KCNMA1: variants seen among roughly 807,000 people sequenced by gnomAD.
KCNMA1 encodes the protein Calcium-activated potassium channel subunit alpha-1.
A neutral mutation model predicts 140.0 loss-of-function variants in KCNMA1; 29 were observed. The observed-to-expected ratio is 0.21, with a 90% CI of 0.15 to 0.28. The LOEUF is 0.28. KCNMA1 is among the 10% of genes least tolerant of loss of function. The pLI is 1.00. For missense variants in KCNMA1, 880 were observed against 1,602.2 expected (o/e 0.55, Z 7.70); for synonymous variants, 612 against 611.9 (o/e 1.00, Z 0.00).
chr10:77,624,738 T>C (rs1690541034), intron 1 of KCNMA1, among the ~76,000 whole-genome samples: 1 of 151,992 alleles, frequency 6.6e-6, no homozygotes. Context: ...CTGTAGCTAG[T>C]CACTTGTCAT....
intron 2 of KCNMA1, among the ~76,000 whole-genome samples, chr10:77,330,750 G>A (rs1399960073): frequency 6.6e-6 from 1 of 152,172 alleles, no homozygotes; most frequent in Non-Finnish European, 1.5e-5. Context: ...AAAGTTTAGT[G>A]GGAAAAGCAG....
intron 1 of KCNMA1, among the ~76,000 whole-genome samples, chr10:77,503,687 G>T (rs816829): frequency 0.09 from 13,758 of 152,226 alleles, 779 homozygotes; most frequent in Admixed American, 0.15. Context: ...GTTCCAGCAG[G>T]TAGAGACAGT....
At chr10:76,972,056 A>G (rs2076251725) in intron 19 of KCNMA1, among the ~76,000 whole-genome samples, 1 of 152,134 alleles carries the variant, frequency 6.6e-6, no homozygotes, top group South Asian at 2.1e-4. Context: ...TGCACTAACT[A>G]GACGTATAAG....
intron 1 of KCNMA1, among the ~76,000 whole-genome samples, chr10:77,448,240 T>A (rs2097564943): frequency 6.6e-6 from 1 of 152,192 alleles, no homozygotes; most frequent in African/African-American, 2.4e-5. Context: ...CACTGTCTCC[T>A]GCATGGAGAG....
At chr10:77,277,709 C>T (rs1370923581) in intron 2 of KCNMA1, among the ~76,000 whole-genome samples, 1 of 152,200 alleles carries the variant, frequency 6.6e-6, no homozygotes, top group Non-Finnish European at 1.5e-5. Context: ...CTCACCACTC[C>T]CACTGCCCCA....
At chr10:77,570,860 G>C (rs1025267631) in intron 1 of KCNMA1, among the ~76,000 whole-genome samples, 42 of 152,036 alleles carry the variant, frequency 2.8e-4, no homozygotes, top group Admixed American at 4.6e-4. Context: ...GAGCCTGGGA[G>C]GTGGAGGCTG....
intron 5 of KCNMA1, among the ~76,000 whole-genome samples, chr10:77,166,939 C>G (rs1181234571): frequency 1.3e-5 from 2 of 152,134 alleles, no homozygotes; most frequent in Non-Finnish European, 2.9e-5. Flanking sequence ...AAATATTTAT[C>G]TTTTCTACAT....
In KCNMA1 at chr10:77,445,070, C is replaced by G. The variant is rs538189820; in HGVS notation, c.379-41047G>C. 2.6e-5 allele frequency among the ~76,000 whole-genome samples: 4 copies of G among 152,212 alleles called. No individual in the cohort carries two copies. The East Asian group carries it at 7.7e-4, about 29-fold the overall frequency. ...GCCCAAGGCTCACCCCAGACAGGGC[C>G]AGAATTCCAGAATCCCAACGGCAAG... is the stretch of plus-strand genomic sequence containing the variant. On this transcript the variant is annotated intron_variant, in intron 1 of 27. Coordinates refer to ENST00000286628, the MANE Select transcript of KCNMA1 (RefSeq NM_001161352.2).
intron 1 of KCNMA1, among the ~76,000 whole-genome samples, chr10:77,566,076 G>T (rs2068194732): frequency 6.8e-6 from 1 of 147,490 alleles, no homozygotes. Flanking sequence ...ACAAGATCAG[G>T]CAGCAGTGAT....
chr10:77,557,019 T>C (rs1002731646), intron 1 of KCNMA1, among the ~76,000 whole-genome samples: 3 of 152,180 alleles, frequency 2.0e-5, no homozygotes, highest in African/African-American at 7.2e-5. Context: ...TGAGACTCCC[T>C]TGGATAATGC....
rs1405354082 is a variant in KCNMA1 at position 76,944,763 on chromosome 10, C to G, written c.2902+10G>C. 1 of 1,613,182 alleles carries G rather than the reference C, an allele frequency of 6.2e-7. No homozygotes were observed. Among genetic ancestry groups the G allele is most frequent in the East Asian group, 2.2e-5 (1 of 44,870 alleles). On this transcript the variant is annotated intron_variant, in intron 23 of 27. Transcript: ENST00000286628. ...AGGCACAGCAAAGAAGTATTACAGG[C>G]TGTCCTTACCTTGGGAATTAGCCTG...
chr10:77,453,627 C>A lies in KCNMA1; in HGVS notation c.379-49604G>T, dbSNP rs2097704360. ...AGAAAGAAGGAGGACCCCAGCAGGG[C>A]CCAGATGTCTCCCTGAGTTGAGGAG... is the stretch of plus-strand genomic sequence containing the variant. On this transcript the variant is annotated intron_variant, in intron 1 of 27. Transcript: ENST00000286628. Among the ~76,000 whole-genome samples the A allele has an allele frequency of 3.3e-5, 5 of 152,088 alleles. 1 individual carries two copies. The South Asian group carries it at 1.0e-3, about 32-fold the overall frequency.
intron 6 of KCNMA1, among the ~76,000 whole-genome samples, chr10:77,112,835 C>A (rs1488196867): frequency 6.8e-6 from 1 of 146,920 alleles, no homozygotes; most frequent in South Asian, 2.1e-4. Flanking sequence ...TTCTTCTTGC[C>A]ATGTACATAT....
At chr10:77,139,426 G>C (rs771963888) in intron 5 of KCNMA1, among the ~76,000 whole-genome samples, 1 of 152,188 alleles carries the variant, frequency 6.6e-6, no homozygotes, top group Non-Finnish European at 1.5e-5. Context: ...AGGCATTTCA[G>C]CTGACAGAAA....
At chr10:77,032,333 G>T (rs1435409441) in intron 15 of KCNMA1, among the ~76,000 whole-genome samples, 1 of 152,118 alleles carries the variant, frequency 6.6e-6, no homozygotes, top group Non-Finnish European at 1.5e-5. Context: ...TTCTAATTCT[G>T]CCTTTACTCA....
chr10:77,365,828 C>G (rs1424563355), intron 2 of KCNMA1, among the ~76,000 whole-genome samples: 1 of 152,068 alleles, frequency 6.6e-6, no homozygotes, highest in Non-Finnish European at 1.5e-5. Context: ...TTTGGTGGGC[C>G]CTACTTAGAA....
chr10:77,460,951 C>T (rs149864280), intron 1 of KCNMA1, among the ~76,000 whole-genome samples: 1 of 152,034 alleles, frequency 6.6e-6, no homozygotes, highest in Non-Finnish European at 1.5e-5. Context: ...ACTAAAAATA[C>T]AAAAATTAGC....
At chr10:77,583,230 G>T (rs2076348259) in intron 1 of KCNMA1, among the ~76,000 whole-genome samples, 2 of 152,096 alleles carry the variant, frequency 1.3e-5, no homozygotes. Context: ...GCTTCTTCCT[G>T]GTCAGTCTTA....
intron 1 of KCNMA1, among the ~76,000 whole-genome samples, chr10:77,612,607 G>A (rs1231573057): frequency 1.3e-5 from 2 of 152,158 alleles, no homozygotes; most frequent in Non-Finnish European, 2.9e-5. Flanking sequence ...CGGCTGCACA[G>A]GCGCATACAT....
Sources: gnomAD v4.1 joint callset for allele counts (sites outside exome capture counted in the v4.1 genomes callset) on GRCh38, gnomAD v4.1.1 for gene constraint, MANE v1.5 for transcripts, NCBI Gene and HGNC (gene_info 2026-07-23, HGNC 2026-07-21) for gene names.